The following TNFSF4 variants were observed in gnomAD, a reference collection of about 807,000 sequenced individuals.
TNFSF4 encodes tumor necrosis factor ligand superfamily member 4.
A neutral mutation model predicts 7.3 loss-of-function variants in TNFSF4; 4 were observed. That is an observed-to-expected ratio of 0.55 (90% CI 0.27 to 1.25). The LOEUF (loss-of-function observed/expected upper bound fraction) is 1.25. Ranked by LOEUF, TNFSF4 falls within the 50% of genes most tolerant of loss-of-function variation. TNFSF4 has a pLI of 0.12. For synonymous variants in TNFSF4, 76 were observed against 83.7 expected (o/e 0.91, Z 0.50); for missense variants, 181 against 208.8 (o/e 0.87, Z 0.82).
At chr1:173,310,180 A>C in the TNFSF4 span, among the ~76,000 whole-genome samples, 2 of 151,606 alleles carry the variant, frequency 1.3e-5, no homozygotes, top group Non-Finnish European at 3.0e-5. Flanking sequence ...TCTTCTTTCT[A>C]CTTTCTTTAG....
chr1:173,445,766 G>GA, the TNFSF4 span, among the ~76,000 whole-genome samples: 2 of 152,112 alleles, frequency 1.3e-5, no homozygotes, highest in Non-Finnish European at 2.9e-5. Flanking sequence ...TGACTATGGG[G>GA]AGTCCCGGAG....
the TNFSF4 span, among the ~76,000 whole-genome samples, chr1:173,314,570 C>T: frequency 6.6e-6 from 1 of 152,068 alleles, no homozygotes. Flanking sequence ...GTGCATGCAT[C>T]ACTGGAATTT....
At chr1:173,356,190 C>A in the TNFSF4 span, among the ~76,000 whole-genome samples, 1 of 152,190 alleles carries the variant, frequency 6.6e-6, no homozygotes, top group Non-Finnish European at 1.5e-5. Flanking sequence ...GGAAGGCAAC[C>A]TATTCCAGGA....
chr1:173,209,594 T>C (rs1354543242), upstream of TNFSF4, among the ~76,000 whole-genome samples: 1 of 152,180 alleles, frequency 6.6e-6, no homozygotes, highest in Non-Finnish European at 1.5e-5. Flanking sequence ...AATCCGGAAC[T>C]CCTGGGCTTG....
chr1:173,190,457 G>A (rs537064431), intron 1 of TNFSF4, among the ~76,000 whole-genome samples: 11 of 152,240 alleles, frequency 7.2e-5, no homozygotes, highest in Admixed American at 6.5e-4. Context: ...AAAACCAACA[G>A]GCAGCATAGG....
At chr1:173,362,912 A>G in the TNFSF4 span, 2 of 476,584 alleles carry the variant, frequency 4.2e-6, no homozygotes, top group Non-Finnish European at 4.2e-6. Context: ...AGCATAATCT[A>G]TAATGTACTC....
At chr1:173,248,491 GGAAA>G in the TNFSF4 span, among the ~76,000 whole-genome samples, 879 of 136,176 alleles carry the variant, frequency 6.5e-3, 4 homozygotes, top group South Asian at 9.2e-3. Flanking sequence ...AAGGAAGGAA[GGAAA>G]GAAAGAAAGA....
the TNFSF4 span, among the ~76,000 whole-genome samples, chr1:173,413,779 A>G: frequency 1.8e-4 from 27 of 152,138 alleles, no homozygotes; most frequent in Non-Finnish European, 1.5e-5. Flanking sequence ...TATCCTTTCA[A>G]TAGTTCCTTT....
intron 1 of TNFSF4, among the ~76,000 whole-genome samples, chr1:173,202,508 T>G (rs1649989476): frequency 6.6e-6 from 1 of 152,212 alleles, no homozygotes; most frequent in African/African-American, 2.4e-5. Context: ...GAAAAGAGGA[T>G]AAGCTGTCTT....
the TNFSF4 span, chr1:173,351,888 A>T: frequency 1.7e-6 from 1 of 593,778 alleles, no homozygotes; most frequent in Middle Eastern, 3.5e-4. Context: ...CAAGGCGGTT[A>T]TCACTAGGCT....
chr1:173,240,120 A>T, the TNFSF4 span, among the ~76,000 whole-genome samples: 1 of 152,050 alleles, frequency 6.6e-6, no homozygotes, highest in Non-Finnish European at 1.5e-5. Flanking sequence ...CACATTCAAC[A>T]ACTAGCTTCC....
chr1:173,280,222 C>A, the TNFSF4 span, among the ~76,000 whole-genome samples: 1 of 152,108 alleles, frequency 6.6e-6, no homozygotes, highest in Admixed American at 6.6e-5. Context: ...TTCCTCTGTT[C>A]TTACCTACTC....
chr1:173,278,725 GGGA>G, the TNFSF4 span, among the ~76,000 whole-genome samples: 6 of 152,012 alleles, frequency 3.9e-5, no homozygotes, highest in East Asian at 7.7e-4. Flanking sequence ...GCACAGCAAG[GGGA>G]GGAGATTTCC....
chr1:173,287,517 T>C, the TNFSF4 span, among the ~76,000 whole-genome samples: 2 of 152,302 alleles, frequency 1.3e-5, no homozygotes, highest in African/African-American at 4.8e-5. Flanking sequence ...TTCAGTGATA[T>C]CTACTAAGGC....
At chr1:173,284,466 T>G in the TNFSF4 span, among the ~76,000 whole-genome samples, 3 of 152,180 alleles carry the variant, frequency 2.0e-5, no homozygotes, top group African/African-American at 7.2e-5. Context: ...TTGATAAAGG[T>G]GGCTCTACTA....
the TNFSF4 span, among the ~76,000 whole-genome samples, chr1:173,326,434 C>G: frequency 3.3e-5 from 5 of 152,188 alleles, no homozygotes; most frequent in African/African-American, 9.6e-5. Context: ...AAAACTGGAA[C>G]CATTCCCTTT....
chr1:173,412,696 A>T, the TNFSF4 span, among the ~76,000 whole-genome samples: 22 of 152,256 alleles, frequency 1.4e-4, no homozygotes, highest in Non-Finnish European at 2.4e-4. Flanking sequence ...TATAGAATTT[A>T]AAAATGGGTA....
At chr1:173,343,628 A>T in the TNFSF4 span, among the ~76,000 whole-genome samples, 2 of 152,172 alleles carry the variant, frequency 1.3e-5, no homozygotes, top group Admixed American at 6.5e-5. Flanking sequence ...TCCCTCCCCA[A>T]ATTGGATAAG....
the TNFSF4 span, among the ~76,000 whole-genome samples, chr1:173,312,933 C>G: frequency 6.6e-6 from 1 of 152,060 alleles, no homozygotes; most frequent in Non-Finnish European, 1.5e-5. Flanking sequence ...AATACTAGCT[C>G]TTTTCCAGGA....
Sources: gnomAD v4.1 joint callset for allele counts (sites outside exome capture counted in the v4.1 genomes callset) on GRCh38, gnomAD v4.1.1 for gene constraint, MANE v1.5 for transcripts, NCBI Gene and HGNC (gene_info 2026-07-23, HGNC 2026-07-21) for gene names.